Variants in PPP2R2C observed in about 807,000 individuals in gnomAD.
PPP2R2C encodes protein phosphatase 2 regulatory subunit Bgamma, also known as protein phosphatase 2, regulatory subunit B, gamma.
A neutral mutation model predicts 45.3 loss-of-function variants in PPP2R2C; 10 were observed. That is an observed-to-expected ratio of 0.22 (90% confidence interval 0.14 to 0.37). PPP2R2C has a LOEUF of 0.37. Among genes scored for constraint, PPP2R2C ranks in the 10% least tolerant of loss-of-function variants. The probability of loss-of-function intolerance (pLI) is 1.00; values close to 1 mark genes in which losing one functional copy is unlikely to be tolerated. For missense variants in PPP2R2C, 308 were observed against 619.7 expected (o/e 0.50, Z 5.34); for synonymous variants, 257 against 245.4 (o/e 1.05, Z -0.44).
At chr4:6,505,039 G>T (rs1282032529) in intron 2 of PPP2R2C, among the ~76,000 whole-genome samples, 1 of 152,096 alleles carries the variant, frequency 6.6e-6, no homozygotes, top group Non-Finnish European at 1.5e-5. Flanking sequence ...GAAAAACTCT[G>T]GAAAGAAGCC....
intron 1 of PPP2R2C, among the ~76,000 whole-genome samples, chr4:6,390,413 C>T (rs1413973177): frequency 6.6e-6 from 1 of 152,208 alleles, no homozygotes; most frequent in Non-Finnish European, 1.5e-5. Flanking sequence ...CAAGCACACT[C>T]AGAGTGGGCA....
chr4:6,351,858 G>A (rs1017799830), intron 5 of PPP2R2C, among the ~76,000 whole-genome samples: 18 of 152,118 alleles, frequency 1.2e-4, no homozygotes, highest in Admixed American at 4.6e-4. Flanking sequence ...TGGTCCGTGC[G>A]ACCGCCTCTC....
At chr4:6,541,596 G>A (rs908967556) in intron 1 of PPP2R2C, among the ~76,000 whole-genome samples, 14 of 152,276 alleles carry the variant, frequency 9.2e-5, no homozygotes, top group African/African-American at 3.1e-4. Flanking sequence ...ACCCAGGCTG[G>A]AGTGCAGTGG....
chr4:6,395,041 C>T (rs1381129330), intron 1 of PPP2R2C, among the ~76,000 whole-genome samples: 1 of 152,200 alleles, frequency 6.6e-6, no homozygotes, highest in Non-Finnish European at 1.5e-5. Flanking sequence ...GGTCACCTCT[C>T]ACCCGCGAGC....
At chr4:6,326,742 G>A (rs1731975790) in intron 8 of PPP2R2C, among the ~76,000 whole-genome samples, 1 of 152,242 alleles carries the variant, frequency 6.6e-6, no homozygotes, top group Non-Finnish European at 1.5e-5. Flanking sequence ...ACCAGAGACT[G>A]AGAGAGTCCA....
At position 6,384,404 on chromosome 4, in the gene PPP2R2C, T is replaced by C. The variant is rs1447962964; in HGVS notation, c.71-3310A>G. On this transcript the variant is annotated intron_variant, in intron 1 of 8. Transcript: ENST00000382599. ...TCCAAAATGTGAACGGAGGTAGCTTTAGGGTAGCTGGAACAAAATAATATT... is the reference window on the plus strand; with the variant it reads ...TCCAAAATGTGAACGGAGGTAGCTTCAGGGTAGCTGGAACAAAATAATATT... The C allele has an allele frequency of 4.1e-6, 4 of 985,070 alleles. No homozygotes were observed. In the South Asian group the frequency reaches 1.4e-4, roughly 35 times the overall value. 61.0% of individuals were successfully genotyped at this position (985,070 alleles called of 1,614,324 possible). A position where few individuals can be genotyped will look rare whatever the true frequency, so the allele number is the denominator to read the frequency against.
At position 6,350,789 on chromosome 4, in the gene PPP2R2C, C is replaced by T. The variant is rs953473909; in HGVS notation, c.626-2779G>A. ...CAGGCTGAAGTTTTGAGAGCCAGCA[C>T]GTGGTCTGCTGTGACACTGTTCCCT... On this transcript the variant is annotated intron_variant, in intron 5 of 8. Transcript: ENST00000382599. 10 of 985,346 alleles carry T rather than the reference C, an allele frequency of 1.0e-5. No homozygotes were observed. In the South Asian group the frequency reaches 2.8e-4, roughly 28 times the overall value. 61.0% of individuals were successfully genotyped at this position (985,346 alleles called of 1,614,324 possible).
At chr4:6,534,922 C>T (rs1487052284) in intron 2 of PPP2R2C, among the ~76,000 whole-genome samples, 5 of 152,246 alleles carry the variant, frequency 3.3e-5, no homozygotes, top group Non-Finnish European at 7.3e-5. Context: ...CCACAGCGGG[C>T]ACTCAACACT....
chr4:6,548,441 C>T (rs141290854), intron 1 of PPP2R2C, among the ~76,000 whole-genome samples: 35 of 152,172 alleles, frequency 2.3e-4, no homozygotes, highest in Non-Finnish European at 4.0e-4. Flanking sequence ...GGGTGCAGAG[C>T]GCCTGGAACC....
At chr4:6,542,124 G>A (rs775598686) in intron 1 of PPP2R2C, among the ~76,000 whole-genome samples, 10 of 152,160 alleles carry the variant, frequency 6.6e-5, no homozygotes, top group South Asian at 2.1e-4. Flanking sequence ...GGAGCAGTGC[G>A]CTCACTCCCA....
Position 6,378,537 on chromosome 4 carries a change from G to A in PPP2R2C, c.204C>T (p.Asp68=), listed in dbSNP as rs200481224. 1.2e-4 allele frequency: 190 copies of A among 1,614,084 alleles called. No homozygotes were observed. Among genetic ancestry groups the A allele is most frequent in the Middle Eastern group, 1.6e-4 (1 of 6,062 alleles). ...CGTGGCTCTGGAAAGTGCTGTACAC[G>A]TCGTATTCGCCCTGGCTGTGGGGCG... ...KNAPHSQGEY[D]VYSTFQSHEP... The change falls in exon 3 of 9, where the codon GAC becomes GAT. Residue 68 remains aspartate (D), a synonymous_variant. Coordinates refer to ENST00000382599, the MANE Select transcript of PPP2R2C (RefSeq NM_020416.4). This position sits in a 1 kb window ranked among gnomAD's most constrained non-coding sequence, Gnocchi z 5.2.
intron 1 of PPP2R2C, among the ~76,000 whole-genome samples, chr4:6,441,753 G>A (rs1418388562): frequency 6.6e-6 from 1 of 152,204 alleles, no homozygotes; most frequent in Non-Finnish European, 1.5e-5. Flanking sequence ...GTAGAAAGGA[G>A]GGGATGGGGC....
At chr4:6,402,042 T>C (rs1319727889) in intron 1 of PPP2R2C, among the ~76,000 whole-genome samples, 1 of 152,110 alleles carries the variant, frequency 6.6e-6, no homozygotes, top group Non-Finnish European at 1.5e-5. Context: ...CGCATTGAGG[T>C]TAATGATGTG....
chr4:6,392,087 CTCTG>C (rs937044584), intron 1 of PPP2R2C, among the ~76,000 whole-genome samples: 3 of 152,192 alleles, frequency 2.0e-5, no homozygotes, highest in African/African-American at 4.8e-5. Flanking sequence ...GGTACAGAGT[CTCTG>C]TCTGGGATGA....
chr4:6,542,405 G>C (rs1174953663), intron 1 of PPP2R2C, among the ~76,000 whole-genome samples: 1 of 152,244 alleles, frequency 6.6e-6, no homozygotes, highest in South Asian at 2.1e-4. Context: ...AAAAGATAAC[G>C]CGAGAATGGT....
intron 1 of PPP2R2C, among the ~76,000 whole-genome samples, chr4:6,546,421 C>G (rs955337277): frequency 3.9e-5 from 6 of 152,192 alleles, no homozygotes; most frequent in African/African-American, 1.4e-4. Flanking sequence ...TGCAGCATCT[C>G]ATTAATCCTC....
chr4:6,520,803 C>T lies in PPP2R2C; in HGVS notation c.49+14468G>A, dbSNP rs6813669. Reference sequence around the variant, plus strand: ...GGTATGCCTGCAGTCTTCCCTGCATCGGGTCACAGATTCTTCCCAGCAACT... The same window carrying T: ...GGTATGCCTGCAGTCTTCCCTGCATTGGGTCACAGATTCTTCCCAGCAACT... On this transcript the variant is annotated intron_variant, in intron 2 of 9. Coordinates refer to the PPP2R2C transcript ENST00000506140. Among the ~76,000 whole-genome samples, 122 of 152,322 alleles carry T rather than the reference C, an allele frequency of 8.0e-4. No homozygotes were observed. In the Middle Eastern group the frequency reaches 0.014, roughly 17 times the overall value.
At chr4:6,377,022 G>A (rs1220584959) in intron 3 of PPP2R2C, among the ~76,000 whole-genome samples, 1 of 152,224 alleles carries the variant, frequency 6.6e-6, no homozygotes, top group Non-Finnish European at 1.5e-5. Flanking sequence ...TGGCTCAGTG[G>A]AGAGGTCAGA....
chr4:6,548,451 C>T (rs2108837753), intron 1 of PPP2R2C, among the ~76,000 whole-genome samples: 1 of 152,316 alleles, frequency 6.6e-6, no homozygotes, highest in East Asian at 1.9e-4. Context: ...CGCCTGGAAC[C>T]CTTGTGCGTG....
Sources: gnomAD v4.1 joint callset for allele counts (sites outside exome capture counted in the v4.1 genomes callset) on GRCh38, gnomAD v4.1.1 for gene constraint, Gnocchi (gnomAD v3.1) non-coding constraint, MANE v1.5 for transcripts, NCBI Gene and HGNC (gene_info 2026-07-23, HGNC 2026-07-21) for gene names.